GALNTL6: variants seen among roughly 807,000 people sequenced by gnomAD.
The protein encoded by GALNTL6 is polypeptide N-acetylgalactosaminyltransferase like 6.
GALNTL6 carries 46 observed loss-of-function variants against 73.7 expected under a neutral mutation model. The observed-to-expected ratio is 0.62, with a 90% CI of 0.49 to 0.80. GALNTL6 has a LOEUF of 0.80. GALNTL6 is among the 30% of genes least tolerant of loss of function. The pLI is 0.00. For synonymous variants in GALNTL6, 259 were observed against 263.7 expected (o/e 0.98, Z 0.17); for missense variants, 604 against 755.0 (o/e 0.80, Z 2.34).
chr4:172,004,832 A>AT (rs561042389), intron 2 of GALNTL6, among the ~76,000 whole-genome samples: 18 of 150,656 alleles, frequency 1.2e-4, no homozygotes, highest in Non-Finnish European at 1.9e-4. Flanking sequence ...TAATCCCCCA[A>AT]TTTTTTTTTG....
intron 2 of GALNTL6, among the ~76,000 whole-genome samples, chr4:171,941,892 T>C (rs1738555664): frequency 6.6e-6 from 1 of 152,134 alleles, no homozygotes; most frequent in South Asian, 2.1e-4. Context: ...TCAGCAAACA[T>C]TCAGAAGAAA....
chr4:172,970,309 A>G (rs1391160520), intron 10 of GALNTL6, among the ~76,000 whole-genome samples: 1 of 152,176 alleles, frequency 6.6e-6, no homozygotes, highest in Non-Finnish European at 1.5e-5. Context: ...TCTGACCTCA[A>G]ATTCACCAGG....
At chr4:172,658,393 G>A (rs1731192488) in intron 5 of GALNTL6, among the ~76,000 whole-genome samples, 1 of 150,488 alleles carries the variant, frequency 6.6e-6, no homozygotes, top group African/African-American at 2.4e-5. Flanking sequence ...CGTGAATCCG[G>A]GAGGCGGAGC....
At chr4:172,422,212 G>A (rs1731076121) in intron 5 of GALNTL6, among the ~76,000 whole-genome samples, 1 of 151,968 alleles carries the variant, frequency 6.6e-6, no homozygotes, top group Non-Finnish European at 1.5e-5. Context: ...TATATTCTCT[G>A]TCTCCAATTT....
intron 10 of GALNTL6, among the ~76,000 whole-genome samples, chr4:172,998,369 C>T (rs1470611519): frequency 2.6e-5 from 4 of 152,210 alleles, no homozygotes; most frequent in African/African-American, 9.6e-5. Flanking sequence ...ACAAGCACTT[C>T]ACAATTTTTT....
chr4:172,954,627 C>G (rs1246554380), intron 10 of GALNTL6, among the ~76,000 whole-genome samples: 1 of 152,068 alleles, frequency 6.6e-6, no homozygotes, highest in Non-Finnish European at 1.5e-5. Context: ...CCACCAGTCC[C>G]AGCTAATTTT....
chr4:172,610,073 G>T (rs973365506), intron 5 of GALNTL6, among the ~76,000 whole-genome samples: 7 of 151,670 alleles, frequency 4.6e-5, no homozygotes, highest in Admixed American at 2.0e-4. Context: ...TGTTTATTTG[G>T]ATCTTTTCTC....
intron 5 of GALNTL6, among the ~76,000 whole-genome samples, chr4:172,556,108 T>G (rs1736131300): frequency 6.6e-6 from 1 of 152,118 alleles, no homozygotes; most frequent in Non-Finnish European, 1.5e-5. Context: ...ATGTGGAAGA[T>G]TTTGTTATTT....
intron 5 of GALNTL6, among the ~76,000 whole-genome samples, chr4:172,703,560 A>G (rs1166334987): frequency 2.0e-5 from 3 of 152,010 alleles, no homozygotes; most frequent in Non-Finnish European, 4.4e-5. Flanking sequence ...ATCATGGTGA[A>G]TAACCTTTCT....
At chr4:172,982,767 A>G (rs573071668) in intron 10 of GALNTL6, among the ~76,000 whole-genome samples, 29 of 152,352 alleles carry the variant, frequency 1.9e-4, no homozygotes, top group African/African-American at 6.7e-4. Context: ...TGGAATGAAA[A>G]GATAATACGA....
chr4:172,861,868 G>A (rs1744411936), intron 7 of GALNTL6, among the ~76,000 whole-genome samples: 2 of 152,206 alleles, frequency 1.3e-5, no homozygotes, highest in Admixed American at 1.3e-4. Context: ...GTGGAACTGT[G>A]AGTCAATTAA....
At position 173,021,574 on chromosome 4, in the gene GALNTL6, A is replaced by C. The variant is rs1432930402; in HGVS notation, c.1587A>C (p.Thr529=). The change falls in exon 12 of 13, where the codon ACA becomes ACC. Residue 529 remains threonine, a synonymous_variant. Transcript: ENST00000506823. ...CGATCTCACACAACAGCCCCGTTAC[A>C]CTCTATGACTGTCATGGCATGAAGG... ...FDAISHNSPV[T]LYDCHGMKGN... is the part of the protein sequence containing the mutation. The C allele has an allele frequency of 1.9e-6, 3 of 1,613,950 alleles. No homozygotes were observed. The highest frequency in any genetic ancestry group is 2.5e-6 in the Non-Finnish European group (3 of 1,179,978).
intron 2 of GALNTL6, among the ~76,000 whole-genome samples, chr4:171,960,798 G>T (rs1258475054): frequency 6.6e-6 from 1 of 151,042 alleles, no homozygotes; most frequent in Non-Finnish European, 1.5e-5. Context: ...ATCTGGTGTT[G>T]AACTATTACA....
intron 5 of GALNTL6, among the ~76,000 whole-genome samples, chr4:172,683,312 G>A (rs1327540331): frequency 7.9e-5 from 12 of 152,192 alleles, no homozygotes; most frequent in Non-Finnish European, 1.8e-4. Context: ...AAAGCTGGAG[G>A]AGATATCTAT....
chr4:172,028,746 G>A (rs1327759310), intron 2 of GALNTL6, among the ~76,000 whole-genome samples: 2 of 151,928 alleles, frequency 1.3e-5, no homozygotes, highest in Non-Finnish European at 2.9e-5. Flanking sequence ...AAAAAATGCA[G>A]TGTGTTTATA....
chr4:172,000,213 A>T (rs1740630293), intron 2 of GALNTL6, among the ~76,000 whole-genome samples: 1 of 152,214 alleles, frequency 6.6e-6, no homozygotes, highest in Non-Finnish European at 1.5e-5. Context: ...TATATAAATA[A>T]ATGAGATATA....
At chr4:172,977,578 A>G in intron 10 of GALNTL6, among the ~76,000 whole-genome samples, 1 of 152,204 alleles carries the variant, frequency 6.6e-6, no homozygotes, top group East Asian at 1.9e-4. Context: ...GAAAAAGAAT[A>G]TTTGGAAAGT....
In GALNTL6 at chr4:172,182,990, T is replaced by G. The variant is rs115572284; in HGVS notation, c.139-46666T>G. Among the ~76,000 whole-genome samples, 1,034 of 152,288 alleles carry G rather than the reference T, an allele frequency of 6.8e-3. 17 individuals are homozygous for G. Among genetic ancestry groups the G allele is most frequent in the African/African-American group, 0.024 (982 of 41,566 alleles). ...TATCTAGCTTTCCAAGAATTCACAC[T>G]AGAAGACTGGTCCATTTTATTGATT... On this transcript the variant is annotated intron_variant, in intron 2 of 12. Coordinates refer to ENST00000506823, the MANE Select transcript of GALNTL6 (RefSeq NM_001034845.3).
chr4:172,188,873 C>A (rs1340976666), intron 2 of GALNTL6, among the ~76,000 whole-genome samples: 2 of 152,150 alleles, frequency 1.3e-5, no homozygotes, highest in African/African-American at 4.8e-5. Flanking sequence ...TAGTGAGCAA[C>A]ACAGGACAGT....
Sources: allele counts gnomAD v4.1 joint callset (sites outside exome capture counted in the v4.1 genomes callset), GRCh38; gene constraint gnomAD v4.1.1; transcripts MANE v1.5; gene names NCBI Gene and HGNC (gene_info 2026-07-23, HGNC 2026-07-21).